GLB1: variants seen among roughly 807,000 people sequenced by gnomAD.
GLB1 encodes beta-galactosidase.
Under a neutral mutation model 74.0 loss-of-function variants are expected in GLB1, and 56 were observed. That is an observed-to-expected ratio of 0.76 (90% CI 0.61 to 0.94). The LOEUF (loss-of-function observed/expected upper bound fraction) is 0.94, where lower values mean the gene tolerates loss of function less well. GLB1 is among the 40% of genes least tolerant of loss of function. The pLI is 0.00. For missense variants in GLB1, 787 were observed against 845.5 expected (o/e 0.93, Z 0.86); for synonymous variants, 323 against 323.6 (o/e 1.00, Z 0.02).
chr3:33,036,110 A>C lies in GLB1; in HGVS notation c.1068+10010T>G, dbSNP rs534298595. 3.9e-5 allele frequency among the ~76,000 whole-genome samples: 6 copies of C among 152,344 alleles called. No homozygotes were observed. In the South Asian group the frequency reaches 1.2e-3, roughly 32 times the overall value. On this transcript the variant is annotated intron_variant, in intron 10 of 15. Transcript: ENST00000307363. The stretch of plus-strand genomic sequence containing the variant: ...AAGTAAGATCCCTTCCTGGCCAGTC[A>C]ATACTGAAGTTTAAAATTCTTCTGC...
In GLB1 at chr3:33,058,123, C is replaced by A. The variant is rs1235276061; in HGVS notation, c.699G>T (p.Leu233=). The part of the protein sequence containing the change: ...AHKTFLKCGA[L]QGLYTTVDFG... ...AGTCCACCGTGGTGTAGAGGCCCTGCAGGGCCCCACATTTCAGGAATGTTT... is the reference window on the plus strand; with the variant it reads ...AGTCCACCGTGGTGTAGAGGCCCTGAAGGGCCCCACATTTCAGGAATGTTT... Residue 233 remains leucine (L), a synonymous_variant, in exon 6 of 16, where the codon CTG becomes CTT. Transcript: ENST00000307363. 3.1e-6 allele frequency: 5 copies of A among 1,614,046 alleles called. No homozygotes were observed. Among genetic ancestry groups the A allele is most frequent in the Non-Finnish European group, 3.4e-6 (4 of 1,180,012 alleles).
chr3:33,096,415 A>AC, intron 1 of GLB1: 4 of 345,650 alleles, frequency 1.2e-5, no homozygotes, highest in Non-Finnish European at 1.2e-5. Context: ...CTCAACCTGG[A>AC]CCCCCAAACG....
At chr3:33,096,807 GAA>G in intron 1 of GLB1, 1 of 1,360,522 alleles carries the variant, frequency 7.4e-7, no homozygotes, top group African/African-American at 1.5e-5. Flanking sequence ...GAGCTGCCTG[GAA>G]GGACGCGCGC....
At chr3:32,982,314 CAAA>C in the GLB1 span, among the ~76,000 whole-genome samples, 14,176 of 75,746 alleles carry the variant, frequency 0.19, 840 homozygotes, top group African/African-American at 0.28. Flanking sequence ...ACTCCGTCTC[CAAA>C]AAAAAAAAAA....
In GLB1 at chr3:33,077,139, G is replaced by A. The variant is rs9865342; in HGVS notation, c.76-4426C>T. The A allele has an allele frequency of 0.11, 153,800 of 1,433,530 alleles. 9,896 individuals are homozygous for A. Among genetic ancestry groups the A allele is most frequent in the East Asian group, 0.34 (11,105 of 32,368 alleles). 88.8% of individuals were successfully genotyped at this position (1,433,530 alleles called of 1,614,324 possible). A position where few individuals can be genotyped will look rare whatever the true frequency, so the allele number is the denominator to read the frequency against. ...TTCTCCCACTCCTGTTGCTGCTTGC[G>A]TGCTCATTCGGTGCAGTCTTGGTAC... On this transcript the variant is annotated intron_variant, in intron 1 of 15. Transcript: ENST00000307363.
chr3:33,012,627 C>A (rs1217912451), intron 15 of GLB1, among the ~76,000 whole-genome samples: 1 of 152,132 alleles, frequency 6.6e-6, no homozygotes, highest in African/African-American at 2.4e-5. Flanking sequence ...TATAGCAGCC[C>A]AAATAGACTA....
rs550451454 is a variant in GLB1 at position 33,081,911 on chromosome 3, G to C, written c.76-9198C>G. ...GATGTCAACAACTGCATGGAAAATT[G>C]AGATTCCTTCATCCAATTCCCAGCT... On this transcript the variant is annotated intron_variant, in intron 1 of 15. Coordinates refer to ENST00000307363, the MANE Select transcript of GLB1 (RefSeq NM_000404.4). Among the ~76,000 whole-genome samples, 30 of 152,348 alleles carry C rather than the reference G, an allele frequency of 2.0e-4. No individual in the cohort carries two copies. The Middle Eastern group carries it at 0.01, about 52-fold the overall frequency.
intron 1 of GLB1, among the ~76,000 whole-genome samples, chr3:33,094,930 G>A (rs1206127952): frequency 6.6e-6 from 1 of 152,118 alleles, no homozygotes; most frequent in African/African-American, 2.4e-5. Flanking sequence ...ATTCTCTAGG[G>A]CTGGGCACAG....
intron 5 of GLB1, among the ~76,000 whole-genome samples, chr3:33,059,173 GTAGCATCCCCAAGGGGGTAAAAATT>G (rs1699342762): frequency 6.6e-6 from 1 of 151,622 alleles, no homozygotes; most frequent in Non-Finnish European, 1.5e-5. Context: ...AGTGAGGTGG[GTAGCATCCCCAAGGGGGTAAAAATT>G]GATGCTTTGG....
Position 33,088,234 on chromosome 3 carries a change from A to G in GLB1, c.75+8777T>C, listed in dbSNP as rs80023766. Reference sequence around the variant, plus strand: ...CAAGATGTCTGTTTTTGCCACTTCTACTCAACATAGTTTTGGAAGTCCTAG... The same window carrying G: ...CAAGATGTCTGTTTTTGCCACTTCTGCTCAACATAGTTTTGGAAGTCCTAG... On this transcript the variant is annotated intron_variant, in intron 1 of 15. Coordinates refer to ENST00000307363, the MANE Select transcript of GLB1 (RefSeq NM_000404.4). Among the ~76,000 whole-genome samples the G allele has an allele frequency of 4.6e-4, 70 of 152,278 alleles. No homozygotes were observed. In the East Asian group the frequency reaches 0.01, roughly 23 times the overall value.
chr3:32,970,026 C>T, the GLB1 span, among the ~76,000 whole-genome samples: 1 of 152,200 alleles, frequency 6.6e-6, no homozygotes, highest in Admixed American at 6.5e-5. Context: ...AGGTCATGGC[C>T]TTCCCCACCT....
intron 15 of GLB1, among the ~76,000 whole-genome samples, chr3:32,998,665 CAT>C (rs1222970428): frequency 2.0e-5 from 3 of 151,692 alleles, no homozygotes; most frequent in Non-Finnish European, 4.4e-5. Flanking sequence ...GAAAGGAAAA[CAT>C]AAAGGGAGAA....
chr3:33,006,749 C>T (rs1316154609), intron 15 of GLB1, among the ~76,000 whole-genome samples: 2 of 152,146 alleles, frequency 1.3e-5, no homozygotes, highest in East Asian at 1.9e-4. Context: ...TCTTATGAAT[C>T]GCCCTTATCA....
intron 9 of GLB1, among the ~76,000 whole-genome samples, chr3:33,046,863 C>T (rs1280851516): frequency 1.3e-5 from 2 of 152,200 alleles, no homozygotes; most frequent in African/African-American, 2.4e-5. Context: ...AACCAGGGCA[C>T]TCACTCATTC....
chr3:33,043,974 C>T (rs1698642289), intron 10 of GLB1, among the ~76,000 whole-genome samples: 1 of 151,580 alleles, frequency 6.6e-6, no homozygotes, highest in Middle Eastern at 3.4e-3. Flanking sequence ...AACCTCAGAA[C>T]TGGCAGAGCT....
In GLB1 at chr3:33,077,222, A is replaced by G. The variant is rs753310512; in HGVS notation, c.76-4509T>C. The G allele has an allele frequency of 2.6e-6, 4 of 1,539,662 alleles. No individual in the cohort carries two copies. In the Admixed American group the frequency reaches 5.5e-5, roughly 21 times the overall value. On this transcript the variant is annotated intron_variant, in intron 1 of 15. Transcript: ENST00000307363. Reference sequence around the variant, plus strand: ...GCTTGCCGTGGCAGATGAAAAGCCCAAGGAAGGAATCGAGACTGAGAACAA... The same window carrying G: ...GCTTGCCGTGGCAGATGAAAAGCCCGAGGAAGGAATCGAGACTGAGAACAA...
the GLB1 span, among the ~76,000 whole-genome samples, chr3:32,970,543 G>A: frequency 1.3e-5 from 2 of 152,126 alleles, no homozygotes; most frequent in Admixed American, 6.5e-5. Context: ...TTCAAACCTA[G>A]GGACTTTGTT....
At chr3:33,028,211 A>C (rs1169330738) in intron 10 of GLB1, among the ~76,000 whole-genome samples, 5 of 152,204 alleles carry the variant, frequency 3.3e-5, no homozygotes, top group Non-Finnish European at 7.3e-5. Flanking sequence ...GCACATTTTA[A>C]GATTATTTAA....
In GLB1 at chr3:33,064,776, C is replaced by CAAAAAAAAAAA. The variant is rs36181668; in HGVS notation, c.552+676_552+686dup. ...TGGGCAACGGAATGAGACTCTCTCT[C>CAAAAAAAAAAA]AAAAAAAAAAAAAAAAAAAAAAGAG... On this transcript the variant is annotated intron_variant, in intron 5 of 15. Coordinates refer to ENST00000307363, the MANE Select transcript of GLB1 (RefSeq NM_000404.4). Among the ~76,000 whole-genome samples the CAAAAAAAAAAA allele has an allele frequency of 1.0e-3, 66 of 64,540 alleles. 4 individuals are homozygous for CAAAAAAAAAAA. Among genetic ancestry groups the CAAAAAAAAAAA allele is most frequent in the East Asian group, 2.3e-3 (4 of 1,770 alleles). The allele number at this position is 64,540 out of a possible 152,430, so 42.3% of individuals were successfully genotyped here. A position where few individuals can be genotyped will look rare whatever the true frequency, so the allele number is the denominator to read the frequency against.
Sources: gnomAD v4.1 joint callset for allele counts (sites outside exome capture counted in the v4.1 genomes callset) on GRCh38, gnomAD v4.1.1 for gene constraint, MANE v1.5 for transcripts, NCBI Gene and HGNC (gene_info 2026-07-23, HGNC 2026-07-21) for gene names.